PAPPA2: variants seen among roughly 807,000 people sequenced by gnomAD.
PAPPA2 encodes the protein pappalysin 2.
Under a neutral mutation model 176.4 loss-of-function variants are expected in PAPPA2, and 86 were observed. That is an observed-to-expected ratio of 0.49 (90% confidence interval 0.41 to 0.58). PAPPA2 has a LOEUF of 0.58. Among genes scored for constraint, PAPPA2 ranks in the 20% least tolerant of loss-of-function variants. PAPPA2 has a pLI of 0.00. For missense variants in PAPPA2, 2,073 were observed against 2,256.9 expected, an observed-to-expected ratio of 0.92 and a Z score of 1.65; for synonymous variants, 809 against 852.2, an observed-to-expected ratio of 0.95 and a Z score of 0.88.
At chr1:176,832,779 G>A (rs998660607) in intron 21 of PAPPA2, among the ~76,000 whole-genome samples, 50 of 152,104 alleles carry the variant, frequency 3.3e-4, no homozygotes, top group Admixed American at 2.0e-4. Flanking sequence ...TTATCTTAAC[G>A]TTTGCTTGCT....
chr1:176,570,554 T>TA, intron 2 of PAPPA2, among the ~76,000 whole-genome samples: 1 of 152,058 alleles, frequency 6.6e-6, no homozygotes, highest in Admixed American at 6.5e-5. Flanking sequence ...CACAATAGAA[T>TA]ATTCTTATAA....
At chr1:176,786,244 T>C (rs1664930259) in intron 17 of PAPPA2, among the ~76,000 whole-genome samples, 1 of 152,212 alleles carries the variant, frequency 6.6e-6, no homozygotes, top group Non-Finnish European at 1.5e-5. Context: ...ATGTCATCTT[T>C]CTGGAGGGAA....
intron 12 of PAPPA2, among the ~76,000 whole-genome samples, chr1:176,720,807 C>G (rs896871346): frequency 2.0e-5 from 3 of 152,078 alleles, no homozygotes; most frequent in African/African-American, 7.2e-5. Context: ...CCAAGGAAGC[C>G]AATGGCATAA....
At chr1:176,769,879 T>C in intron 16 of PAPPA2, 95 bp downstream of exon 16, 1 of 1,283,108 alleles carries the variant, frequency 7.8e-7, no homozygotes, top group Non-Finnish European at 1.1e-6. Context: ...CCAACACCTT[T>C]CCTATTTGCT....
chr1:176,670,402 T>C (rs1321342497), intron 3 of PAPPA2, among the ~76,000 whole-genome samples: 1 of 152,174 alleles, frequency 6.6e-6, no homozygotes, highest in Non-Finnish European at 1.5e-5. Flanking sequence ...GTCTATACAA[T>C]TGTTATGCCT....
chr1:176,630,211 T>C (rs2102707121), intron 3 of PAPPA2, among the ~76,000 whole-genome samples: 1 of 152,306 alleles, frequency 6.6e-6, no homozygotes, highest in Admixed American at 6.5e-5. Context: ...GAGAGTTGGC[T>C]ACATCAGATA....
In PAPPA2 at chr1:176,594,989, C is replaced by T. The variant is rs1653883877; in HGVS notation, c.1385C>T (p.Pro462Leu). ...TDLVLTASFEPVNTEWVPFRD... is the reference protein window; with the variant it reads ...TDLVLTASFELVNTEWVPFRD... ...TTGGTCCTGACAGCGAGCTTTGAGC[C>T]TGTGAACACAGAGTGGGTTCCCTTT... Residue 462 changes from proline to leucine, a missense_variant, in exon 3 of 23, where the codon CCT (proline) becomes CTT (leucine). By Grantham distance (98) the Pro-to-Leu change is moderately conservative. This residue lies in a region of PAPPA2 where 1,196 missense variants were observed against 1,330.4 expected (regional missense o/e 0.90). Coordinates refer to ENST00000367662, the MANE Select transcript of PAPPA2 (RefSeq NM_020318.3). 6.2e-7 allele frequency: 1 copy of T among 1,614,180 alleles called. No homozygotes were observed. The highest frequency in any genetic ancestry group is 8.5e-7 in the Non-Finnish European group (1 of 1,180,040).
chr1:176,596,713 G>A (rs1654007230), intron 3 of PAPPA2, among the ~76,000 whole-genome samples: 1 of 152,206 alleles, frequency 6.6e-6, no homozygotes, highest in Non-Finnish European at 1.5e-5. Flanking sequence ...AATAGCAGCT[G>A]ACATTTAGTT....
intron 21 of PAPPA2, among the ~76,000 whole-genome samples, chr1:176,832,848 C>T (rs1470559866): frequency 6.6e-6 from 1 of 151,956 alleles, no homozygotes; most frequent in Non-Finnish European, 1.5e-5. Context: ...GATTTTTGTC[C>T]TATTTGATTA....
intron 19 of PAPPA2, among the ~76,000 whole-genome samples, chr1:176,792,748 C>T (rs1273560751): frequency 6.6e-6 from 1 of 151,868 alleles, no homozygotes; most frequent in African/African-American, 2.4e-5. Flanking sequence ...AAATAAGAGT[C>T]ACTGAAAAAC....
chr1:176,670,775 T>G (rs1658947901), intron 3 of PAPPA2, among the ~76,000 whole-genome samples, 195 bp from the exon 4 acceptor site: 1 of 152,204 alleles, frequency 6.6e-6, no homozygotes, highest in Admixed American at 6.5e-5. Context: ...ATTATACTAT[T>G]TATTGGAATA....
At chr1:176,508,033 C>T (rs914623863) in intron 1 of PAPPA2, among the ~76,000 whole-genome samples, 2 of 152,140 alleles carry the variant, frequency 1.3e-5, no homozygotes, top group Admixed American at 1.3e-4. Context: ...TCAGAGAAGT[C>T]ATGCCTTCAT....
chr1:176,819,476 C>T (rs906447099), intron 21 of PAPPA2, among the ~76,000 whole-genome samples: 3 of 152,144 alleles, frequency 2.0e-5, no homozygotes, highest in African/African-American at 7.2e-5. Flanking sequence ...CCTTTATTCT[C>T]TTTGGTTGTG....
chr1:176,792,340 A>G (rs1665214334), intron 19 of PAPPA2, among the ~76,000 whole-genome samples: 1 of 152,220 alleles, frequency 6.6e-6, no homozygotes, highest in African/African-American at 2.4e-5. Context: ...AGCAAGGAGT[A>G]ATTTTATCGG....
intron 17 of PAPPA2, among the ~76,000 whole-genome samples, chr1:176,774,876 C>T (rs570833439): frequency 5.9e-4 from 90 of 152,312 alleles, no homozygotes; most frequent in African/African-American, 1.8e-3. Context: ...CCCTTCAGCT[C>T]TTACACAACC....
At chr1:176,723,448 A>T (rs1661717332) in intron 12 of PAPPA2, among the ~76,000 whole-genome samples, 1 of 149,154 alleles carries the variant, frequency 6.7e-6, no homozygotes, top group Non-Finnish European at 1.5e-5. Flanking sequence ...CAAATAATTT[A>T]GAAAGTGATT....
intron 2 of PAPPA2, among the ~76,000 whole-genome samples, chr1:176,567,781 G>A (rs1168620456): frequency 6.6e-6 from 1 of 152,190 alleles, no homozygotes; most frequent in Admixed American, 6.5e-5. Context: ...AAACCAAAAG[G>A]ATTTCTTGAG....
At chr1:176,507,821 T>C (rs1455178461) in intron 1 of PAPPA2, among the ~76,000 whole-genome samples, 1 of 152,014 alleles carries the variant, frequency 6.6e-6, no homozygotes, top group Non-Finnish European at 1.5e-5. Flanking sequence ...GATGAAAAAG[T>C]ACCTGTTGGG....
At chr1:176,742,547 A>G (rs1662735231) in intron 14 of PAPPA2, among the ~76,000 whole-genome samples, 1 of 152,190 alleles carries the variant, frequency 6.6e-6, no homozygotes, top group Non-Finnish European at 1.5e-5. Flanking sequence ...GCATTTCCAA[A>G]CCACATGTGA....
Sources: allele counts gnomAD v4.1 joint callset (sites outside exome capture counted in the v4.1 genomes callset), GRCh38; gene constraint gnomAD v4.1.1; regional missense constraint gnomAD v4.1.1; transcripts MANE v1.5; gene names NCBI Gene and HGNC (gene_info 2026-07-23, HGNC 2026-07-21).